GGPS1: variants seen among roughly 807,000 people sequenced by gnomAD.
GGPS1 encodes the protein geranylgeranyl diphosphate synthase 1.
GGPS1 carries 15 observed loss-of-function variants against 28.1 expected under a neutral mutation model. The ratio of observed to expected loss-of-function variants is 0.53; its 90% CI spans 0.36 to 0.82. The LOEUF (loss-of-function observed/expected upper bound fraction) is 0.82, where lower values mean the gene tolerates loss of function less well. Among genes scored for constraint, GGPS1 ranks in the 40% least tolerant of loss-of-function variants. GGPS1 has a pLI of 0.01. For synonymous variants in GGPS1, 138 were observed against 122.4 expected (o/e 1.13, Z -0.84); for missense variants, 284 against 348.3 (o/e 0.82, Z 1.47).
chr1:235,332,692 A>G (rs115003410), intron 1 of GGPS1, among the ~76,000 whole-genome samples: 5,868 of 152,242 alleles, frequency 0.039, 423 homozygotes, highest in African/African-American at 0.13. Flanking sequence ...AAATCCACAA[A>G]AGTCAGATTC....
chr1:235,336,497 C>T (rs1480072218), intron 2 of GGPS1, among the ~76,000 whole-genome samples: 4 of 152,090 alleles, frequency 2.6e-5, no homozygotes, highest in African/African-American at 9.7e-5. Flanking sequence ...TATTCTTTCT[C>T]ATAGACATAA....
intron 2 of GGPS1, chr1:235,336,732 CT>C (rs968381222): frequency 6.6e-6 from 1 of 152,184 alleles, no homozygotes; most frequent in African/African-American, 2.4e-5. Flanking sequence ...TAATGATGCT[CT>C]CAATTCAGTC....
At position 235,342,809 on chromosome 1, in the gene GGPS1, T is replaced by C. The variant is rs1189494494; in HGVS notation, c.*37T>C. On this transcript the variant is annotated 3_prime_UTR_variant, in exon 4 of 4. Coordinates refer to ENST00000282841, the MANE Select transcript of GGPS1 (RefSeq NM_004837.4). ...TCTTGATTGGACCTCATAGCTTATTTTAGTTAATCTTTTTTTTGTCTTTTA... is the reference window on the plus strand; with the variant it reads ...TCTTGATTGGACCTCATAGCTTATTCTAGTTAATCTTTTTTTTGTCTTTTA... 7.1e-7 allele frequency: 1 copy of C among 1,404,730 alleles called. No homozygotes were observed. The highest frequency in any genetic ancestry group is 2.3e-5 in the East Asian group (1 of 43,508). The allele number at this position is 1,404,730 out of a possible 1,614,324, so 87.0% of individuals were successfully genotyped here.
At position 235,334,491 on chromosome 1, in the gene GGPS1, TCAG is replaced by T. The variant is rs1271470004; in HGVS notation, c.-23-747_-23-745del. ...ATACCACCCATTTAAAGTGTACATT[TCAG>T]CAGTTTTTAGTGTATTCACAGGGCT... On this transcript the variant is annotated intron_variant, in intron 1 of 3. Coordinates refer to ENST00000282841, the MANE Select transcript of GGPS1 (RefSeq NM_004837.4). Among the ~76,000 whole-genome samples, 5 of 152,352 alleles carry T rather than the reference TCAG, an allele frequency of 3.3e-5. No individual in the cohort carries two copies. In the East Asian group the frequency reaches 9.6e-4, roughly 29 times the overall value.
At chr1:235,332,095 A>T (rs954786663) in intron 1 of GGPS1, among the ~76,000 whole-genome samples, 2 of 152,198 alleles carry the variant, frequency 1.3e-5, no homozygotes, top group African/African-American at 4.8e-5. Context: ...GTATAAATTT[A>T]TGGGGTGCAA....
At chr1:235,335,016 T>C (rs1158125993) in intron 1 of GGPS1, among the ~76,000 whole-genome samples, 2 of 152,162 alleles carry the variant, frequency 1.3e-5, no homozygotes, top group South Asian at 4.1e-4. Context: ...GGTTTTGCCA[T>C]GTTGCCCAGG....
In GGPS1 at chr1:235,342,756, A is replaced by C. The variant is rs922689555; in HGVS notation, c.887A>C (p.Lys296Thr). The C allele has an allele frequency of 6.3e-7, 1 of 1,578,552 alleles. No individual in the cohort carries two copies. The highest frequency in any genetic ancestry group is 1.4e-5 in the African/African-American group (1 of 73,120). The change falls in exon 4 of 4, where the codon AAA becomes ACA. Residue 296 changes from lysine (K) to threonine (T), a missense_variant. Physicochemically the swap from Lys to Thr is moderately conservative, Grantham distance 78. Coordinates refer to ENST00000282841, the MANE Select transcript of GGPS1 (RefSeq NM_004837.4). The stretch of plus-strand genomic sequence containing the variant: ...GTAAAACACTTAAGTAAGATGTTCA[A>C]AGAAGAAAATGAATAATGTTAAGCC... ...ALVKHLSKMF[K>T]EENE
intron 2 of GGPS1, among the ~76,000 whole-genome samples, chr1:235,338,178 C>G (rs1675922300): frequency 6.6e-6 from 1 of 151,872 alleles, no homozygotes; most frequent in Admixed American, 6.6e-5. Context: ...CCCAGGAGTT[C>G]AAGACCAGCC....
In GGPS1 at chr1:235,342,327, G is replaced by A; in HGVS notation, c.458G>A (p.Gly153Asp). Reference protein sequence around the residue: ...EYKAMVLQKTGGLFGLAVGLM... With the variant: ...EYKAMVLQKTDGLFGLAVGLM... ...AAAGCTATGGTGCTGCAGAAAACAG[G>A]TGGACTGTTTGGATTAGCAGTAGGT... Residue 153 changes from glycine (G) to aspartate (D), a missense_variant, in exon 4 of 4, where the codon GGT (glycine) becomes GAT (aspartate). Physicochemically the swap from Gly to Asp is moderately conservative, Grantham distance 94. Transcript: ENST00000282841. 7.4e-6 allele frequency: 12 copies of A among 1,612,728 alleles called. No individual in the cohort carries two copies. Among genetic ancestry groups the A allele is most frequent in the Non-Finnish European group, 1.0e-5 (12 of 1,178,720 alleles).
intron 2 of GGPS1, among the ~76,000 whole-genome samples, chr1:235,340,611 C>T (rs576465655): frequency 2.7e-4 from 41 of 150,912 alleles, no homozygotes; most frequent in Middle Eastern, 3.4e-3. Flanking sequence ...TAGCGGGCGC[C>T]TGTAGTCCCA....
chr1:235,339,036 A>G (rs2103347104), intron 2 of GGPS1, among the ~76,000 whole-genome samples: 1 of 152,110 alleles, frequency 6.6e-6, no homozygotes. Flanking sequence ...GCGGTAGCTC[A>G]CGCATGTAAT....
rs894531358 is a variant in GGPS1 at position 235,344,315 on chromosome 1, A to C, written c.*1543A>C. 4 of 167,064 alleles carry C rather than the reference A, an allele frequency of 2.4e-5. No individual in the cohort carries two copies. Among genetic ancestry groups the C allele is most frequent in the Admixed American group, 1.3e-4 (2 of 15,262 alleles). 10.3% of individuals were successfully genotyped at this position (167,064 alleles called of 1,614,324 possible). A position where few individuals can be genotyped will look rare whatever the true frequency, so the allele number is the denominator to read the frequency against. Reference sequence around the variant, plus strand: ...TGAGAAATCCTCACCCAAGCATTCAACCTAAATCTTTGAAAAGTTGGGTGC... The same window carrying C: ...TGAGAAATCCTCACCCAAGCATTCACCCTAAATCTTTGAAAAGTTGGGTGC... On this transcript the variant is annotated 3_prime_UTR_variant, in exon 4 of 4. Transcript: ENST00000282841.
chr1:235,341,084 CTT>C (rs953252804), intron 2 of GGPS1, among the ~76,000 whole-genome samples: 4 of 152,164 alleles, frequency 2.6e-5, no homozygotes, highest in South Asian at 2.1e-4. Flanking sequence ...AATCCAAACA[CTT>C]TGGGAGGCCG....
chr1:235,340,547 T>C (rs1461163422), intron 2 of GGPS1, among the ~76,000 whole-genome samples: 3 of 150,862 alleles, frequency 2.0e-5, no homozygotes, highest in Non-Finnish European at 4.4e-5. Flanking sequence ...CCATCCTGGC[T>C]AACACGGTGA....
intron 1 of GGPS1, among the ~76,000 whole-genome samples, chr1:235,333,733 C>G (rs149923528): frequency 9.2e-5 from 14 of 152,170 alleles, no homozygotes; most frequent in African/African-American, 3.4e-4. Context: ...GTTTCCAATT[C>G]CAAAATCCAA....
intron 2 of GGPS1, among the ~76,000 whole-genome samples, chr1:235,337,889 C>G (rs1006543778): frequency 6.6e-6 from 1 of 150,690 alleles, no homozygotes; most frequent in African/African-American, 2.4e-5. Context: ...TACTTGCTGT[C>G]ATCTTATGTT....
At chr1:235,340,243 C>T (rs1007904705) in intron 2 of GGPS1, among the ~76,000 whole-genome samples, 10 of 152,148 alleles carry the variant, frequency 6.6e-5, no homozygotes, top group Non-Finnish European at 1.3e-4. Context: ...GAGGCTGTAG[C>T]GGCCGGATTG....
At chr1:235,334,216 C>G (rs1397440506) in intron 1 of GGPS1, among the ~76,000 whole-genome samples, 1 of 152,126 alleles carries the variant, frequency 6.6e-6, no homozygotes, top group Non-Finnish European at 1.5e-5. Flanking sequence ...AAAACATACT[C>G]ATCTTAGTGC....
In GGPS1 at chr1:235,342,689, C is replaced by G. The variant is rs767599019; in HGVS notation, c.820C>G (p.Gln274Glu). Residue 274 changes from glutamine (Q) to glutamate (E), a missense_variant, in exon 4 of 4, where the codon CAG becomes GAG. By Grantham distance (29) the Gln-to-Glu change is conservative (BLOSUM62 2). Transcript: ENST00000282841. ...AGAGCTTGAAGCTAAAGCCTATAAA[C>G]AGATTGATGCACGTGGTGGGAACCC... Reference protein sequence around the residue: ...LKELEAKAYKQIDARGGNPEL... With the variant: ...LKELEAKAYKEIDARGGNPEL... 6.2e-7 allele frequency: 1 copy of G among 1,608,178 alleles called. No individual in the cohort carries two copies. The highest frequency in any genetic ancestry group is 8.5e-7 in the Non-Finnish European group (1 of 1,175,060).
Sources: allele counts gnomAD v4.1 joint callset (sites outside exome capture counted in the v4.1 genomes callset), GRCh38; gene constraint gnomAD v4.1.1; transcripts MANE v1.5; gene names NCBI Gene and HGNC (gene_info 2026-07-23, HGNC 2026-07-21).